The following MYO1B variants were observed in gnomAD, a reference collection of about 807,000 sequenced individuals.
MYO1B encodes the protein unconventional myosin-Ib.
A neutral mutation model predicts 159.7 loss-of-function variants in MYO1B; 72 were observed. The observed-to-expected ratio is 0.45, with a 90% CI of 0.37 to 0.55. The LOEUF is 0.55. Ranked by LOEUF, MYO1B falls within the 20% of genes least tolerant of loss-of-function variation. MYO1B has a pLI of 0.00. For missense variants in MYO1B, 1,062 were observed against 1,364.8 expected (o/e 0.78, Z 3.50); for synonymous variants, 468 against 473.8 (o/e 0.99, Z 0.16).
chr2:191,320,739 A>G (rs951235990), intron 3 of MYO1B, among the ~76,000 whole-genome samples: 28 of 152,226 alleles, frequency 1.8e-4, no homozygotes, highest in African/African-American at 6.3e-4. Context: ...GACCAAGGGT[A>G]CTTTATAGAC....
rs1423076773 is a variant in MYO1B at position 191,293,841 on chromosome 2, C to G, written c.136-2270C>G. ...AGGTCTCAGCCTTATTTTACCCAGC[C>G]TCTATTCAAGATGGGGTTGCTCTGG... On this transcript the variant is annotated intron_variant, in intron 2 of 30. Coordinates refer to ENST00000392318, the MANE Select transcript of MYO1B (RefSeq NM_001130158.3). Among the ~76,000 whole-genome samples, 10 of 152,262 alleles carry G rather than the reference C, an allele frequency of 6.6e-5. No individual in the cohort carries two copies. In the East Asian group the frequency reaches 1.7e-3, roughly 26 times the overall value.
At chr2:191,378,350 G>A (rs1489130762) in intron 13 of MYO1B, among the ~76,000 whole-genome samples, 1 of 152,130 alleles carries the variant, frequency 6.6e-6, no homozygotes, top group Non-Finnish European at 1.5e-5. Flanking sequence ...GGCAGGCTGA[G>A]TCTGAAAAGA....
At chr2:191,394,289 G>C (rs1695936392) in intron 20 of MYO1B, among the ~76,000 whole-genome samples, 1 of 152,276 alleles carries the variant, frequency 6.6e-6, no homozygotes, top group South Asian at 2.1e-4. Flanking sequence ...AGTCTCCTCT[G>C]TACACATAGT....
intron 2 of MYO1B, among the ~76,000 whole-genome samples, chr2:191,287,732 G>A (rs1198376191): frequency 6.6e-6 from 1 of 152,168 alleles, no homozygotes; most frequent in Non-Finnish European, 1.5e-5. Flanking sequence ...TCAGAATGAT[G>A]TGGGTTCAAA....
intron 2 of MYO1B, among the ~76,000 whole-genome samples, chr2:191,277,285 A>T (rs1031512084): frequency 6.6e-6 from 1 of 152,234 alleles, no homozygotes. Context: ...TAAAGCAAGC[A>T]GAATACTGCC....
At chr2:191,420,083 TC>T (rs765571129) in intron 30 of MYO1B, among the ~76,000 whole-genome samples, 26 of 152,042 alleles carry the variant, frequency 1.7e-4, no homozygotes, top group Non-Finnish European at 2.9e-4. Flanking sequence ...ACACCTGTAG[TC>T]CCAGCTTCTC....
At chr2:191,301,139 G>T (rs1689303398) in intron 3 of MYO1B, among the ~76,000 whole-genome samples, 1 of 152,204 alleles carries the variant, frequency 6.6e-6, no homozygotes, top group African/African-American at 2.4e-5. Flanking sequence ...CCAAGGAAAT[G>T]TGGCTGTGCT....
chr2:191,334,266 T>G (rs1691682760), intron 4 of MYO1B, among the ~76,000 whole-genome samples: 1 of 152,126 alleles, frequency 6.6e-6, no homozygotes, highest in South Asian at 2.1e-4. Context: ...GTCCACTAAT[T>G]AGCTATGTCA....
intron 2 of MYO1B, among the ~76,000 whole-genome samples, chr2:191,285,807 T>C (rs545933978): frequency 2.6e-5 from 4 of 152,246 alleles, no homozygotes; most frequent in African/African-American, 7.2e-5. Context: ...AGAGGAAATC[T>C]TCACAAACTT....
Position 191,291,175 on chromosome 2 carries a change from A to G in MYO1B, c.136-4936A>G, listed in dbSNP as rs78845209. On this transcript the variant is annotated intron_variant, in intron 2 of 30. Coordinates refer to ENST00000392318, the MANE Select transcript of MYO1B (RefSeq NM_001130158.3). ...TTGGCTTCTGAACAGTGGTCTGGGG[A>G]GTGGAGGTGGCTAGATTGAATGTCC... Among the ~76,000 whole-genome samples, 134 of 152,244 alleles carry G rather than the reference A, an allele frequency of 8.8e-4. 1 individual carries two copies. In the East Asian group the frequency reaches 0.025, roughly 29 times the overall value.
Position 191,344,929 on chromosome 2 carries a change from T to C in MYO1B, c.452-1307T>C, listed in dbSNP as rs576779554. Among the ~76,000 whole-genome samples the C allele has an allele frequency of 2.0e-5, 3 of 150,110 alleles. No homozygotes were observed. The East Asian group carries it at 5.9e-4, about 29-fold the overall frequency. On this transcript the variant is annotated intron_variant, in intron 5 of 30. Coordinates refer to ENST00000392318, the MANE Select transcript of MYO1B (RefSeq NM_001130158.3). ...GGCTGCTGAATTACCGGAGTTAACA[T>C]AGGTAAGCACACACCCTCTCTCCTT...
chr2:191,371,560 C>T (rs1694368425), intron 13 of MYO1B, among the ~76,000 whole-genome samples: 1 of 152,126 alleles, frequency 6.6e-6, no homozygotes, highest in African/African-American at 2.4e-5. Flanking sequence ...AACTAACTCC[C>T]CAGGGTTATA....
chr2:191,266,744 G>C (rs559308191), intron 1 of MYO1B, among the ~76,000 whole-genome samples: 2 of 152,182 alleles, frequency 1.3e-5, no homozygotes, highest in Non-Finnish European at 2.9e-5. Context: ...AAGGCACTTA[G>C]AAATTTTGCC....
At chr2:191,382,115 C>T (rs1296090866) in intron 14 of MYO1B, among the ~76,000 whole-genome samples, 1 of 151,752 alleles carries the variant, frequency 6.6e-6, no homozygotes, top group Non-Finnish European at 1.5e-5. Flanking sequence ...TGCTTTTCAC[C>T]CTTTTATTTT....
chr2:191,264,123 A>C (rs1686981338), intron 1 of MYO1B, among the ~76,000 whole-genome samples: 2 of 152,330 alleles, frequency 1.3e-5, no homozygotes, highest in South Asian at 4.1e-4. Flanking sequence ...TGTTGATTTT[A>C]ATCAGTGTAG....
In MYO1B at chr2:191,396,270, T is replaced by G. The variant is rs112675239; in HGVS notation, c.2227-159T>G. ...TACTTTGGATTAACTGTAATAATAT[T>G]GGATTGTTTGATATTTTGGTTTCTT... On this transcript the variant is annotated intron_variant, in intron 20 of 30. Coordinates refer to ENST00000392318, the MANE Select transcript of MYO1B (RefSeq NM_001130158.3). Among the ~76,000 whole-genome samples, 492 of 152,344 alleles carry G rather than the reference T, an allele frequency of 3.2e-3. 2 individuals carry two copies. The highest frequency in any genetic ancestry group is 5.8e-3 in the Non-Finnish European group (395 of 68,036).
At chr2:191,385,842 T>C (rs13026888) in intron 15 of MYO1B, 42 bp from the exon 16 acceptor site, 1,500,165 of 1,589,970 alleles carry the variant, frequency 0.94, 717,978 homozygotes, top group Non-Finnish European at 0.98. Flanking sequence ...TAAAACAATA[T>C]AGTGAGGAAG....
At chr2:191,386,123 G>C in intron 16 of MYO1B, 39 bp downstream of exon 16, 2 of 1,601,740 alleles carry the variant, frequency 1.2e-6, no homozygotes, top group South Asian at 1.1e-5. Flanking sequence ...GGCCTGCCAA[G>C]TTACCCCTGC....
At chr2:191,334,699 T>C (rs1433637075) in intron 4 of MYO1B, among the ~76,000 whole-genome samples, 2 of 152,020 alleles carry the variant, frequency 1.3e-5, no homozygotes, top group Non-Finnish European at 2.9e-5. Flanking sequence ...GGTAGTGCCA[T>C]TGTGTTTACA....
Sources: gnomAD v4.1 joint callset for allele counts (sites outside exome capture counted in the v4.1 genomes callset) on GRCh38, gnomAD v4.1.1 for gene constraint, MANE v1.5 for transcripts, NCBI Gene and HGNC (gene_info 2026-07-23, HGNC 2026-07-21) for gene names.